Variants in DLG2 observed in about 807,000 individuals in gnomAD.
DLG2 encodes disks large homolog 2.
Under a neutral mutation model 132.5 loss-of-function variants are expected in DLG2, and 45 were observed. That is an observed-to-expected ratio of 0.34 (90% CI 0.27 to 0.44). The LOEUF is 0.44. Among genes scored for constraint, DLG2 ranks in the 20% least tolerant of loss-of-function variants. The pLI is 1.00. For synonymous variants in DLG2, 424 were observed against 419.6 expected, an observed-to-expected ratio of 1.01 and a Z score of -0.13; for missense variants, 1,045 against 1,196.9, an observed-to-expected ratio of 0.87 and a Z score of 1.87.
intron 7 of DLG2, among the ~76,000 whole-genome samples, chr11:84,404,873 T>A (rs2098843198): frequency 6.6e-6 from 1 of 152,192 alleles, no homozygotes. Context: ...TATTTTAACA[T>A]TTCTAGATAG....
intron 7 of DLG2, among the ~76,000 whole-genome samples, chr11:84,497,323 A>G (rs1264485352): frequency 6.6e-6 from 1 of 152,134 alleles, no homozygotes; most frequent in Non-Finnish European, 1.5e-5. Flanking sequence ...TTAGCTAAGT[A>G]AGTAGGAGAG....
chr11:84,434,911 A>G (rs1053561781), intron 7 of DLG2, among the ~76,000 whole-genome samples: 4 of 133,752 alleles, frequency 3.0e-5, no homozygotes, highest in African/African-American at 1.2e-4. Context: ...ATAAACTGTC[A>G]CCTACTGAAA....
intron 10 of DLG2, among the ~76,000 whole-genome samples, chr11:84,093,156 C>T (rs1299878389): frequency 6.6e-6 from 1 of 152,076 alleles, no homozygotes; most frequent in Admixed American, 6.6e-5. Flanking sequence ...TCTAGCACAG[C>T]GAGGCCAGAA....
chr11:84,546,577 G>T, intron 6 of DLG2: 1 of 442,286 alleles, frequency 2.3e-6, no homozygotes, highest in Non-Finnish European at 4.4e-6. Flanking sequence ...CTCCTCTTGA[G>T]ACAACTGTCT....
chr11:85,571,284 G>GT (rs2077829460), intron 3 of DLG2, among the ~76,000 whole-genome samples: 1 of 152,090 alleles, frequency 6.6e-6, no homozygotes, highest in Non-Finnish European at 1.5e-5. Flanking sequence ...ATGTTCAGTT[G>GT]TTTTTGTGTA....
intron 8 of DLG2, among the ~76,000 whole-genome samples, chr11:84,174,014 C>CTTTTTTTTT (rs11338428): frequency 0.13 from 8,100 of 61,012 alleles, 1,988 homozygotes; most frequent in Middle Eastern, 0.21. Context: ...ACCCCCCGGC[C>CTTTTTTTTT]TTTTTTTTTT....
intron 7 of DLG2, among the ~76,000 whole-genome samples, chr11:84,434,234 T>C (rs557235732): frequency 2.0e-5 from 3 of 152,084 alleles, no homozygotes; most frequent in Non-Finnish European, 2.9e-5. Flanking sequence ...GTTTATTCAA[T>C]ATAGTTTATG....
At chr11:84,782,239 G>A (rs1433320032) in intron 6 of DLG2, among the ~76,000 whole-genome samples, 2 of 151,944 alleles carry the variant, frequency 1.3e-5, no homozygotes, top group Non-Finnish European at 1.5e-5. Flanking sequence ...ACTTTTGAGA[G>A]GAGAGAAATA....
intron 5 of DLG2, among the ~76,000 whole-genome samples, chr11:85,148,094 T>C (rs2076981325): frequency 6.6e-6 from 1 of 152,218 alleles, no homozygotes; most frequent in African/African-American, 2.4e-5. Context: ...CATTCCTTTC[T>C]ATGGTTGCAT....
At chr11:85,210,571 G>A (rs2082191329) in intron 4 of DLG2, among the ~76,000 whole-genome samples, 1 of 151,934 alleles carries the variant, frequency 6.6e-6, no homozygotes, top group Admixed American at 6.6e-5. Context: ...TGGCAGTGGT[G>A]GAACTAAGCC....
intron 18 of DLG2, among the ~76,000 whole-genome samples, chr11:83,733,350 T>G (rs1415756668): frequency 6.6e-6 from 1 of 151,052 alleles, no homozygotes; most frequent in Non-Finnish European, 1.5e-5. Flanking sequence ...AACCACTCAC[T>G]AGGACTTAAC....
intron 18 of DLG2, among the ~76,000 whole-genome samples, chr11:83,710,076 G>T (rs757187787): frequency 1.3e-5 from 2 of 152,036 alleles, no homozygotes; most frequent in Admixed American, 6.6e-5. Flanking sequence ...AAAGGAGAGA[G>T]GAATATGAGG....
intron 6 of DLG2, among the ~76,000 whole-genome samples, chr11:84,615,280 C>A (rs1321725508): frequency 6.6e-6 from 1 of 151,990 alleles, no homozygotes; most frequent in Non-Finnish European, 1.5e-5. Flanking sequence ...TAACATTGAT[C>A]AATACCTAAC....
intron 6 of DLG2, among the ~76,000 whole-genome samples, chr11:85,015,586 G>A (rs889704782): frequency 6.6e-6 from 1 of 151,966 alleles, no homozygotes; most frequent in Non-Finnish European, 1.5e-5. Flanking sequence ...TAAATTCACA[G>A]GGCAAAAAGA....
intron 7 of DLG2, among the ~76,000 whole-genome samples, chr11:84,507,788 T>A (rs916124923): frequency 6.6e-6 from 1 of 152,226 alleles, no homozygotes; most frequent in Non-Finnish European, 1.5e-5. Flanking sequence ...GACTTGCATA[T>A]GTTGAACCAG....
At chr11:83,663,803 T>C (rs949715187) in intron 18 of DLG2, among the ~76,000 whole-genome samples, 1 of 152,246 alleles carries the variant, frequency 6.6e-6, no homozygotes, top group Admixed American at 6.5e-5. Flanking sequence ...TGATTTTCCT[T>C]GGAAGCCTCA....
intron 12 of DLG2, among the ~76,000 whole-genome samples, chr11:83,973,779 TG>T (rs1452728485): frequency 1.3e-5 from 2 of 152,054 alleles, no homozygotes; most frequent in African/African-American, 4.8e-5. Flanking sequence ...GACTGAGGAC[TG>T]GGTATTCATA....
chr11:84,618,690 AG>A (rs1412622430), intron 6 of DLG2, among the ~76,000 whole-genome samples: 1 of 152,084 alleles, frequency 6.6e-6, no homozygotes, highest in Non-Finnish European at 1.5e-5. Context: ...CTTCTCTGGA[AG>A]AAAACGTCTC....
chr11:85,123,573 A>G (rs927754579), intron 5 of DLG2, among the ~76,000 whole-genome samples: 2 of 152,228 alleles, frequency 1.3e-5, no homozygotes, highest in Non-Finnish European at 2.9e-5. Flanking sequence ...GAAATTGAGC[A>G]CAGAGCAGAG....
Sources: allele counts gnomAD v4.1 joint callset (sites outside exome capture counted in the v4.1 genomes callset), GRCh38; gene constraint gnomAD v4.1.1; transcripts MANE v1.5; gene names NCBI Gene and HGNC (gene_info 2026-07-23, HGNC 2026-07-21).